Variants in SHISA9 observed in about 807,000 individuals in gnomAD.
The protein encoded by SHISA9 is shisa family member 9.
SHISA9 carries 13 observed loss-of-function variants against 38.0 expected under a neutral mutation model. The ratio of observed to expected loss-of-function variants is 0.34; its 90% CI spans 0.22 to 0.54. The LOEUF (loss-of-function observed/expected upper bound fraction) is 0.54, where lower values mean the gene tolerates loss of function less well. SHISA9 is among the 20% of genes least tolerant of loss of function. The probability of loss-of-function intolerance (pLI) is 0.91; values close to 1 mark genes in which losing one functional copy is unlikely to be tolerated. For synonymous variants in SHISA9, 275 were observed against 242.0 expected (o/e 1.14, Z -1.27); for missense variants, 538 against 575.8 (o/e 0.93, Z 0.67).
At chr16:13,496,452 G>T in the SHISA9 span, among the ~76,000 whole-genome samples, 1 of 151,960 alleles carries the variant, frequency 6.6e-6, no homozygotes, top group Non-Finnish European at 1.5e-5. Flanking sequence ...TAATTATTTA[G>T]CCATCTCAAG....
intron 2 of SHISA9, among the ~76,000 whole-genome samples, chr16:12,926,784 G>A (rs546546118): frequency 1.3e-5 from 2 of 152,174 alleles, no homozygotes; most frequent in Admixed American, 6.5e-5. Context: ...AACTTGCTAC[G>A]AATCAGAGTG....
chr16:13,313,262 A>AAAAAAC, the SHISA9 span, among the ~76,000 whole-genome samples: 436 of 140,740 alleles, frequency 3.1e-3, 5 homozygotes, highest in Non-Finnish European at 5.0e-3. Context: ...CTCAAAAAAA[A>AAAAAAC]AAAAAAAAAA....
the SHISA9 span, among the ~76,000 whole-genome samples, chr16:13,272,224 T>C: frequency 6.6e-6 from 1 of 152,148 alleles, no homozygotes; most frequent in East Asian, 1.9e-4. Context: ...TCAATAAATT[T>C]TTTTATAAAA....
chr16:13,501,956 C>T, the SHISA9 span, among the ~76,000 whole-genome samples: 5 of 150,890 alleles, frequency 3.3e-5, no homozygotes, highest in African/African-American at 1.2e-4. Flanking sequence ...GAGCCGAGAT[C>T]GCACCATTGC....
chr16:13,357,996 G>A, the SHISA9 span, among the ~76,000 whole-genome samples: 1 of 152,174 alleles, frequency 6.6e-6, no homozygotes, highest in East Asian at 1.9e-4. Flanking sequence ...CAGGCCATCT[G>A]GGCGATATAT....
At chr16:13,106,210 G>T (rs2073923998) in intron 2 of SHISA9, among the ~76,000 whole-genome samples, 1 of 152,170 alleles carries the variant, frequency 6.6e-6, no homozygotes, top group Non-Finnish European at 1.5e-5. Flanking sequence ...AAATTTTGGT[G>T]TGAATTATAG....
chr16:13,382,594 C>G, the SHISA9 span, among the ~76,000 whole-genome samples: 1 of 150,608 alleles, frequency 6.6e-6, no homozygotes, highest in Non-Finnish European at 1.5e-5. Context: ...CGTCTGTAAT[C>G]CCACCTGTAA....
intron 4 of SHISA9, among the ~76,000 whole-genome samples, chr16:13,218,341 C>A (rs1429308111): frequency 6.6e-6 from 1 of 152,186 alleles, no homozygotes; most frequent in East Asian, 1.9e-4. Context: ...TTCTTATGTA[C>A]ATTAGAGTTT....
At chr16:13,052,959 CT>C (rs925020167) in intron 2 of SHISA9, among the ~76,000 whole-genome samples, 5,895 of 106,060 alleles carry the variant, frequency 0.056, 110 homozygotes, top group Middle Eastern at 0.1. Flanking sequence ...TCCTTCCTTT[CT>C]TTTTTTTTTT....
chr16:13,267,104 C>G, the SHISA9 span, among the ~76,000 whole-genome samples: 2 of 152,060 alleles, frequency 1.3e-5, no homozygotes, highest in Non-Finnish European at 2.9e-5. Context: ...TTAAAAATGT[C>G]TTTAACTTTA....
intron 2 of SHISA9, among the ~76,000 whole-genome samples, chr16:12,919,546 T>A (rs565129824): frequency 6.6e-6 from 1 of 152,352 alleles, no homozygotes; most frequent in East Asian, 1.9e-4. Flanking sequence ...ACCTTAGGTC[T>A]CTTTCTATTC....
At chr16:13,478,616 AATTT>A in the SHISA9 span, among the ~76,000 whole-genome samples, 1 of 152,222 alleles carries the variant, frequency 6.6e-6, no homozygotes, top group Non-Finnish European at 1.5e-5. Flanking sequence ...TTTTGTAAAA[AATTT>A]ATTTATGATT....
At chr16:13,263,073 A>G in the SHISA9 span, among the ~76,000 whole-genome samples, 3 of 152,068 alleles carry the variant, frequency 2.0e-5, no homozygotes, top group African/African-American at 7.2e-5. Flanking sequence ...GTGGATTTAT[A>G]ATTTGTCTCA....
At chr16:13,556,086 C>G in the SHISA9 span, among the ~76,000 whole-genome samples, 1 of 152,206 alleles carries the variant, frequency 6.6e-6, no homozygotes, top group Non-Finnish European at 1.5e-5. Flanking sequence ...GACAAAGCCA[C>G]TTTCCGATTC....
chr16:13,223,721 G>A (rs534843124), intron 4 of SHISA9, among the ~76,000 whole-genome samples: 1 of 152,292 alleles, frequency 6.6e-6, no homozygotes, highest in East Asian at 1.9e-4. Flanking sequence ...ACTTGGCTGG[G>A]GAGGCCTCAA....
intron 2 of SHISA9, among the ~76,000 whole-genome samples, chr16:12,974,479 GTTT>G (rs58309847): frequency 0.028 from 2,552 of 91,532 alleles, 64 homozygotes; most frequent in Middle Eastern, 0.054. Context: ...ATTTCTGGTG[GTTT>G]TTTTTTTTTT....
chr16:13,177,340 G>C (rs2050739857), intron 2 of SHISA9, among the ~76,000 whole-genome samples: 1 of 152,058 alleles, frequency 6.6e-6, no homozygotes, highest in Non-Finnish European at 1.5e-5. Flanking sequence ...CAAAATCTTA[G>C]AATGGCTCTT....
At chr16:12,995,699 C>T (rs954769612) in intron 2 of SHISA9, among the ~76,000 whole-genome samples, 3 of 152,112 alleles carry the variant, frequency 2.0e-5, no homozygotes, top group Non-Finnish European at 4.4e-5. Flanking sequence ...GATTTTAAGA[C>T]AATTAGATCA....
the SHISA9 span, among the ~76,000 whole-genome samples, chr16:13,304,236 A>G: frequency 6.6e-6 from 1 of 152,166 alleles, no homozygotes; most frequent in Non-Finnish European, 1.5e-5. Flanking sequence ...GAAGTCTTAC[A>G]CCACCTTCAT....
Sources: allele counts gnomAD v4.1 joint callset (sites outside exome capture counted in the v4.1 genomes callset), GRCh38; gene constraint gnomAD v4.1.1; transcripts MANE v1.5; gene names NCBI Gene and HGNC (gene_info 2026-07-23, HGNC 2026-07-21).